The following ABL1 variants were observed in gnomAD, a reference collection of about 807,000 sequenced individuals.
ABL1 encodes the protein tyrosine-protein kinase ABL1.
A neutral mutation model predicts 94.7 loss-of-function variants in ABL1; 11 were observed. That is an observed-to-expected ratio of 0.12 (90% confidence interval 0.07 to 0.19). The LOEUF (loss-of-function observed/expected upper bound fraction) is 0.19, where lower values mean the gene tolerates loss of function less well. Ranked by LOEUF, ABL1 falls within the 10% of genes least tolerant of loss-of-function variation. The probability of loss-of-function intolerance (pLI) is 1.00; values close to 1 mark genes in which losing one functional copy is unlikely to be tolerated. For synonymous variants in ABL1, 656 were observed against 622.4 expected, an observed-to-expected ratio of 1.05 and a Z score of -0.80; for missense variants, 1,082 against 1,489.4, an observed-to-expected ratio of 0.73 and a Z score of 4.50.
intron 1 of ABL1, among the ~76,000 whole-genome samples, chr9:130,717,704 C>T (rs1831461558): frequency 6.6e-6 from 1 of 150,506 alleles, no homozygotes; most frequent in South Asian, 2.1e-4. Context: ...TTCTTAAAGG[C>T]AGCCAGCCTT....
intron 1 of ABL1, among the ~76,000 whole-genome samples, chr9:130,742,080 G>A (rs1831827272): frequency 6.6e-6 from 1 of 152,094 alleles, no homozygotes; most frequent in South Asian, 2.1e-4. Flanking sequence ...CTAGTCCTTT[G>A]TTGTGGTGCG....
chr9:130,859,264 G>T (rs1164068169), intron 3 of ABL1, among the ~76,000 whole-genome samples: 2 of 152,174 alleles, frequency 1.3e-5, no homozygotes, highest in Non-Finnish European at 2.9e-5. Context: ...TTTCTTGAAA[G>T]AAATTTGCCC....
At chr9:130,807,111 C>T (rs1469012456) in intron 1 of ABL1, among the ~76,000 whole-genome samples, 1 of 151,932 alleles carries the variant, frequency 6.6e-6, no homozygotes, top group Non-Finnish European at 1.5e-5. Flanking sequence ...GATCCTGCCA[C>T]AGCACTCCAG....
At chr9:130,757,558 A>C (rs1445841535) in intron 1 of ABL1, among the ~76,000 whole-genome samples, 1 of 23,886 alleles carries the variant, frequency 4.2e-5, no homozygotes, top group Non-Finnish European at 8.4e-5. Flanking sequence ...TTTTTTTTTG[A>C]GACAGAGTCT....
chr9:130,804,601 T>C (rs1441858983), intron 1 of ABL1, among the ~76,000 whole-genome samples: 2 of 152,112 alleles, frequency 1.3e-5, no homozygotes, highest in African/African-American at 2.4e-5. Context: ...AAAAAATTCA[T>C]GAGACTAAAT....
At chr9:130,825,862 T>C (rs764849502) in intron 1 of ABL1, among the ~76,000 whole-genome samples, 44 of 152,262 alleles carry the variant, frequency 2.9e-4, no homozygotes, top group Non-Finnish European at 5.6e-4. Context: ...GATTTAAGAA[T>C]TTAGAGTTTT....
At chr9:130,810,852 GA>G (rs1295509621) in intron 1 of ABL1, among the ~76,000 whole-genome samples, 1 of 151,998 alleles carries the variant, frequency 6.6e-6, no homozygotes, top group Non-Finnish European at 1.5e-5. Context: ...GAAACATGAA[GA>G]AAAACTATAT....
intron 1 of ABL1, among the ~76,000 whole-genome samples, chr9:130,716,964 T>C (rs1237036579): frequency 5.9e-5 from 9 of 152,114 alleles, no homozygotes; most frequent in Admixed American, 5.9e-4. Context: ...GGTGGTAATA[T>C]TTACAGATGC....
At chr9:130,714,208 T>G in exon 1 of ABL1, 4 of 1,101,288 alleles carry the variant, frequency 3.6e-6, no homozygotes, top group Non-Finnish European at 3.7e-6. Context: ...TGCTGACTTG[T>G]GGAGATGCAG....
rs565137964 is a variant in ABL1 at position 130,873,676 on chromosome 9, A to G, written c.1085+639A>G. 1.9e-4 allele frequency among the ~76,000 whole-genome samples: 29 copies of G among 152,308 alleles called. 1 individual carries two copies. The highest frequency in any genetic ancestry group is 1.9e-3 in the South Asian group (9 of 4,830). ...TGTTTTGACCTTCAAATGTGCCACA[A>G]TTATCTTGGTCTTCAAATTCTTTGC... is the stretch of plus-strand genomic sequence containing the variant. On this transcript the variant is annotated intron_variant, in intron 6 of 10. Transcript: ENST00000318560.
intron 1 of ABL1, among the ~76,000 whole-genome samples, chr9:130,779,088 T>C (rs1335174570): frequency 6.6e-6 from 1 of 152,228 alleles, no homozygotes; most frequent in African/African-American, 2.4e-5. Flanking sequence ...ATAAGAACTA[T>C]GGCTTTTAAA....
At chr9:130,739,469 T>C (rs1381616617) in intron 1 of ABL1, among the ~76,000 whole-genome samples, 1 of 152,146 alleles carries the variant, frequency 6.6e-6, no homozygotes, top group African/African-American at 2.4e-5. Context: ...AGCTTTATTA[T>C]TTATTATAAA....
chr9:130,766,132 C>A (rs193064657), intron 1 of ABL1, among the ~76,000 whole-genome samples: 1 of 152,196 alleles, frequency 6.6e-6, no homozygotes. Context: ...GTGAGGGCCC[C>A]GGGCCGTGGC....
At chr9:130,821,571 A>G (rs1221099000) in intron 1 of ABL1, among the ~76,000 whole-genome samples, 1 of 152,002 alleles carries the variant, frequency 6.6e-6, no homozygotes, top group East Asian at 1.9e-4. Flanking sequence ...GTCATCATTA[A>G]CAATGCTACT....
chr9:130,848,752 C>A (rs764481573), intron 1 of ABL1, among the ~76,000 whole-genome samples: 37 of 152,094 alleles, frequency 2.4e-4, no homozygotes, highest in Non-Finnish European at 1.0e-4. Flanking sequence ...GCCTGGCCAA[C>A]ATGGTGAAAC....
intron 1 of ABL1, among the ~76,000 whole-genome samples, chr9:130,768,680 C>T (rs139473394): frequency 4.5e-4 from 68 of 152,312 alleles, no homozygotes; most frequent in Non-Finnish European, 7.2e-4. Flanking sequence ...GTTGAAGGAA[C>T]GAATTAGTGC....
chr9:130,884,642 C>A lies in ABL1; in HGVS notation c.2352C>A (p.Pro784=), dbSNP rs2229070. The A allele has an allele frequency of 6.8e-6, 11 of 1,613,124 alleles. No individual in the cohort carries two copies. The highest frequency in any genetic ancestry group is 1.6e-4 in the Middle Eastern group (1 of 6,082). The change falls in exon 11 of 11, where the codon CCC becomes CCA. Residue 784 remains proline, a synonymous_variant. Coordinates refer to ENST00000318560, the MANE Select transcript of ABL1 (RefSeq NM_005157.6). This position sits in a 1 kb window ranked among gnomAD's most constrained non-coding sequence, Gnocchi z 5.6. ...QVTRGTVTPP[P]RLVKKNEEAA... Reference sequence around the variant, plus strand: ...CCCGAGGCACAGTAACGCCTCCCCCCAGGCTGGTGAAAAAGAATGAGGAAG... The same window carrying A: ...CCCGAGGCACAGTAACGCCTCCCCCAAGGCTGGTGAAAAAGAATGAGGAAG...
chr9:130,800,244 T>TA, intron 1 of ABL1, among the ~76,000 whole-genome samples: 1 of 152,186 alleles, frequency 6.6e-6, no homozygotes, highest in African/African-American at 2.4e-5. Flanking sequence ...AAAGTACTTT[T>TA]AAAAAAATTA....
rs544455557 is a variant in ABL1, at chr9:130,801,548, C to A, written c.137-52516C>A. ...GCTGACAATGGATTTTCTTTGTTTT[C>A]TCCTTCATCTGAAGATGTCTTCCCT... On this transcript the variant is annotated intron_variant, in intron 1 of 10. Transcript: ENST00000372348. 6.0e-4 allele frequency among the ~76,000 whole-genome samples: 91 copies of A among 152,288 alleles called. 2 individuals are homozygous for A. Among genetic ancestry groups the A allele is most frequent in the African/African-American group, 2.1e-3 (89 of 41,570 alleles).
Sources: gnomAD v4.1 joint callset for allele counts (sites outside exome capture counted in the v4.1 genomes callset) on GRCh38, gnomAD v4.1.1 for gene constraint, Gnocchi (gnomAD v3.1) non-coding constraint, MANE v1.5 for transcripts, NCBI Gene and HGNC (gene_info 2026-07-23, HGNC 2026-07-21) for gene names.